Variants in SH3YL1 observed in about 807,000 individuals in gnomAD.
SH3YL1 encodes the protein SH3 and SYLF domain containing 1.
Under a neutral mutation model 45.8 loss-of-function variants are expected in SH3YL1, and 41 were observed. The observed-to-expected ratio is 0.89, with a 90% confidence interval of 0.70 to 1.16. The LOEUF (loss-of-function observed/expected upper bound fraction) is 1.16, where lower values mean the gene tolerates loss of function less well. SH3YL1 is among the 50% of genes most tolerant of loss of function. The pLI is 0.00. For missense variants in SH3YL1, 389 were observed against 409.6 expected (o/e 0.95, Z 0.43); for synonymous variants, 152 against 151.4 (o/e 1.00, Z -0.03).
intron 1 of SH3YL1, among the ~76,000 whole-genome samples, chr2:258,284 G>C (rs956237128): frequency 6.6e-6 from 1 of 152,158 alleles, no homozygotes; most frequent in Admixed American, 6.5e-5. Context: ...TCCTATCCTT[G>C]AACAAGGAAT....
intron 4 of SH3YL1, among the ~76,000 whole-genome samples, chr2:235,006 T>A (rs1668223811): frequency 6.6e-6 from 1 of 152,166 alleles, no homozygotes; most frequent in African/African-American, 2.4e-5. Context: ...GCCTCCTGAG[T>A]AGCTGGGATT....
chr2:243,541 G>T (rs1344136144), intron 4 of SH3YL1: 1 of 1,540,102 alleles, frequency 6.5e-7, no homozygotes, highest in Non-Finnish European at 8.7e-7. Context: ...TGCTCAGAGG[G>T]AATATGTAGC....
rs974204482 is a variant in SH3YL1 at position 253,169 on chromosome 2, A to C, written c.2-54T>G. 41 of 993,968 alleles carry C rather than the reference A, an allele frequency of 4.1e-5. No homozygotes were observed. In the African/African-American group the frequency reaches 6.6e-4, roughly 16 times the overall value. The allele number at this position is 993,968 out of a possible 1,614,324, so 61.6% of individuals were successfully genotyped here. A position where few individuals can be genotyped will look rare whatever the true frequency, so the allele number is the denominator to read the frequency against. On this transcript the variant is annotated intron_variant, in intron 1 of 9. Coordinates refer to ENST00000356150, the MANE Select transcript of SH3YL1 (RefSeq NM_015677.4). The stretch of plus-strand genomic sequence containing the variant: ...AAAAATTCTGCTAAATAGAAGTGAG[A>C]AATTTATTATTATTTCATTCTTCTC...
intron 1 of SH3YL1, chr2:259,975 T>C (rs1201484545): frequency 1.3e-5 from 2 of 152,108 alleles, no homozygotes; most frequent in East Asian, 1.9e-4. Context: ...TCTATATTTT[T>C]ACATGATCAG....
chr2:259,754 T>C (rs2103060320), intron 1 of SH3YL1: 1 of 151,162 alleles, frequency 6.6e-6, no homozygotes, highest in East Asian at 1.9e-4. Flanking sequence ...CTCAATTCTA[T>C]GTTGAAATGA....
intron 4 of SH3YL1, among the ~76,000 whole-genome samples, chr2:245,408 G>A (rs1447712363): frequency 6.6e-6 from 1 of 152,062 alleles, no homozygotes; most frequent in Non-Finnish European, 1.5e-5. Flanking sequence ...TCTGTAAATG[G>A]CAAGCCTAAA....
At chr2:240,324 A>G (rs1323814445) in intron 4 of SH3YL1, 2 of 152,324 alleles carry the variant, frequency 1.3e-5, no homozygotes, top group Non-Finnish European at 2.9e-5. Flanking sequence ...GCTCTGGAGC[A>G]ACGGCACAGA....
chr2:235,627 T>C (rs1336349799), intron 4 of SH3YL1, among the ~76,000 whole-genome samples: 22 of 23,442 alleles, frequency 9.4e-4, no homozygotes, highest in South Asian at 5.0e-3. Context: ...GCAGCATGGG[T>C]CAGGGGAGGC....
Position 253,086 on chromosome 2 carries a change from A to G in SH3YL1, c.31T>C (p.Ser11Pro). The change falls in exon 2 of 10, where the codon TCA becomes CCA. Residue 11 changes from serine (S) to proline (P), a missense_variant. Physicochemically the swap from Ser to Pro is moderately conservative, Grantham distance 74. Transcript: ENST00000356150. The stretch of plus-strand genomic sequence containing the variant: ...ATTTTGGCAGCCTTTTTTGCTTCTG[A>G]TTTCAAATTGGAAGGTATAGGGTTA... MNNPIPSNLK[S>P]EAKKAAKILR... 6.5e-7 allele frequency: 1 copy of G among 1,547,798 alleles called. No homozygotes were observed. Among genetic ancestry groups the G allele is most frequent in the Non-Finnish European group, 8.7e-7 (1 of 1,143,654 alleles).
chr2:230,931 G>A, intron 7 of SH3YL1, 92 bp downstream of exon 7: 1 of 1,238,820 alleles, frequency 8.1e-7, no homozygotes, highest in Non-Finnish European at 1.2e-6. Flanking sequence ...AGGAGGCTTA[G>A]TAGGTTCTTA....
At chr2:223,185 T>C (rs1667646217) in intron 9 of SH3YL1, among the ~76,000 whole-genome samples, 1 of 152,188 alleles carries the variant, frequency 6.6e-6, no homozygotes, top group African/African-American at 2.4e-5. Flanking sequence ...CCACAGCTGG[T>C]AAGTGAAAGT....
intron 3 of SH3YL1, among the ~76,000 whole-genome samples, chr2:248,375 T>C (rs935550380): frequency 4.6e-5 from 7 of 152,300 alleles, no homozygotes; most frequent in Admixed American, 3.3e-4. Context: ...AGAACTATCC[T>C]ACCCAGGCTT....
intron 1 of SH3YL1, among the ~76,000 whole-genome samples, chr2:254,266 T>A (rs1416920156): frequency 2.0e-5 from 3 of 152,186 alleles, no homozygotes; most frequent in Non-Finnish European, 4.4e-5. Context: ...ACGTTTACAG[T>A]GTTGCCTGGA....
At chr2:245,409 C>G (rs555334352) in intron 4 of SH3YL1, among the ~76,000 whole-genome samples, 1 of 152,138 alleles carries the variant, frequency 6.6e-6, no homozygotes, top group Non-Finnish European at 1.5e-5. Context: ...CTGTAAATGG[C>G]AAGCCTAAAT....
intron 4 of SH3YL1, among the ~76,000 whole-genome samples, chr2:238,863 G>A (rs544312786): frequency 5.3e-5 from 8 of 152,112 alleles, no homozygotes; most frequent in African/African-American, 1.2e-4. Context: ...CCAGATACAC[G>A]TATTCAGTCA....
intron 1 of SH3YL1, chr2:259,576 A>G (rs1416123124): frequency 2.6e-5 from 4 of 152,088 alleles, no homozygotes; most frequent in Non-Finnish European, 5.9e-5. Context: ...ATGTAATAGG[A>G]GAACAATGAC....
chr2:242,957 A>T, intron 4 of SH3YL1: 1 of 781,660 alleles, frequency 1.3e-6, no homozygotes, highest in Non-Finnish European at 1.8e-6. Context: ...AAAGAGATAT[A>T]ACAATTATAA....
intron 8 of SH3YL1, among the ~76,000 whole-genome samples, chr2:229,456 A>G (rs7601944): frequency 0.32 from 47,936 of 151,976 alleles, 7,727 homozygotes; most frequent in Non-Finnish European, 0.35. Context: ...TGGGCCGGGC[A>G]CGGTGGCTCA....
intron 9 of SH3YL1, among the ~76,000 whole-genome samples, chr2:220,860 TAA>T (rs1309879217): frequency 1.3e-5 from 2 of 152,212 alleles, no homozygotes; most frequent in Admixed American, 1.3e-4. Context: ...AGAAGTGAAT[TAA>T]AAGAGTGCTT....
Sources: allele counts gnomAD v4.1 joint callset (sites outside exome capture counted in the v4.1 genomes callset), GRCh38; gene constraint gnomAD v4.1.1; transcripts MANE v1.5; gene names NCBI Gene and HGNC (gene_info 2026-07-23, HGNC 2026-07-21).